RALGPS1: variants seen among roughly 807,000 people sequenced by gnomAD.
The protein encoded by RALGPS1 is ras-specific guanine nucleotide-releasing factor RalGPS1.
RALGPS1 carries 19 observed loss-of-function variants against 78.8 expected under a neutral mutation model. The observed-to-expected ratio is 0.24, with a 90% CI of 0.17 to 0.35. RALGPS1 has a LOEUF of 0.35. Ranked by LOEUF, RALGPS1 falls within the 10% of genes least tolerant of loss-of-function variation. The pLI is 1.00. For missense variants in RALGPS1, 454 were observed against 688.3 expected (o/e 0.66, Z 3.81); for synonymous variants, 228 against 256.3 (o/e 0.89, Z 1.06).
chr9:126,918,359 CA>C (rs1235198336), intron 1 of RALGPS1, among the ~76,000 whole-genome samples: 2 of 152,180 alleles, frequency 1.3e-5, no homozygotes, highest in Admixed American at 6.5e-5. Flanking sequence ...TTTTAAGAGA[CA>C]GGGTCTCCCT....
chr9:127,056,759 T>C (rs968122830), intron 7 of RALGPS1, among the ~76,000 whole-genome samples: 1 of 152,236 alleles, frequency 6.6e-6, no homozygotes, highest in Non-Finnish European at 1.5e-5. Context: ...TTTCTCTGTA[T>C]CCTTGGTGCC....
chr9:126,999,941 G>T (rs1343089395), intron 4 of RALGPS1, among the ~76,000 whole-genome samples: 1 of 152,148 alleles, frequency 6.6e-6, no homozygotes. Flanking sequence ...AGTTTTGGTT[G>T]TGTTTTTCAT....
intron 8 of RALGPS1, among the ~76,000 whole-genome samples, chr9:127,136,552 C>A (rs1000475903): frequency 6.6e-6 from 1 of 152,132 alleles, no homozygotes; most frequent in African/African-American, 2.4e-5. Context: ...CTCTCTGAGC[C>A]TCCCTGTCCA....
chr9:126,981,557 T>C (rs1398218683), intron 4 of RALGPS1, among the ~76,000 whole-genome samples: 2 of 152,232 alleles, frequency 1.3e-5, no homozygotes, highest in Non-Finnish European at 2.9e-5. Context: ...TGTGGACTGT[T>C]GCTGGGTAGC....
chr9:127,176,092 G>C (rs2139945702), intron 11 of RALGPS1, among the ~76,000 whole-genome samples: 1 of 152,228 alleles, frequency 6.6e-6, no homozygotes, highest in South Asian at 2.1e-4. Context: ...ACCCCTGGGG[G>C]CCTCTGATAT....
chr9:126,965,909 C>T lies in RALGPS1; in HGVS notation c.123C>T (p.Ala41=), dbSNP rs752100811. ...ACTATGCCAGCAAGAGCTATGATGC[C>T]GTTGTCTTCGATGTCTTGAAAGTGA... The part of the protein sequence containing the change: ...SCDYASKSYD[A]VVFDVLKVTP... Residue 41 remains alanine (A), a synonymous_variant, in exon 3 of 19, where the codon GCC becomes GCT. Transcript: ENST00000259351. 31 of 1,613,938 alleles carry T rather than the reference C, an allele frequency of 1.9e-5. No individual in the cohort carries two copies. The highest frequency in any genetic ancestry group is 1.0e-4 in the Admixed American group (6 of 59,996).
intron 11 of RALGPS1, among the ~76,000 whole-genome samples, chr9:127,177,106 T>A (rs1282636550): frequency 2.0e-5 from 3 of 152,170 alleles, no homozygotes; most frequent in Admixed American, 6.5e-5. Flanking sequence ...CCTTGTTGGA[T>A]CTTTAGCACC....
At chr9:127,102,099 C>T (rs928540720) in intron 8 of RALGPS1, among the ~76,000 whole-genome samples, 1 of 152,138 alleles carries the variant, frequency 6.6e-6, no homozygotes, top group South Asian at 2.1e-4. Context: ...GTGTTCCCAT[C>T]AAGAGGTCTC....
intron 3 of RALGPS1, among the ~76,000 whole-genome samples, chr9:126,966,787 T>C (rs889822132): frequency 6.6e-6 from 1 of 151,500 alleles, no homozygotes; most frequent in South Asian, 2.1e-4. Flanking sequence ...AAATATAAAT[T>C]AAAAAAAAAG....
intron 11 of RALGPS1, among the ~76,000 whole-genome samples, chr9:127,184,524 C>A (rs1359330040): frequency 6.6e-6 from 1 of 152,176 alleles, no homozygotes; most frequent in African/African-American, 2.4e-5. Context: ...GCCCCAGTGT[C>A]CTGGAGAGCC....
intron 5 of RALGPS1, among the ~76,000 whole-genome samples, chr9:127,046,544 C>T (rs2047793348): frequency 2.0e-5 from 3 of 151,830 alleles, no homozygotes; most frequent in African/African-American, 7.3e-5. Context: ...ATAAGAGTAC[C>T]AATGTCTACA....
At chr9:127,036,536 T>C (rs2046878427) in intron 5 of RALGPS1, among the ~76,000 whole-genome samples, 1 of 152,164 alleles carries the variant, frequency 6.6e-6, no homozygotes, top group East Asian at 1.9e-4. Context: ...CATCCAAATG[T>C]TTTGGGAGAA....
chr9:127,000,201 A>G (rs1043026751), intron 4 of RALGPS1, among the ~76,000 whole-genome samples: 1 of 151,982 alleles, frequency 6.6e-6, no homozygotes, highest in East Asian at 1.9e-4. Flanking sequence ...TTTCTGATCC[A>G]TTGATTTCAG....
intron 10 of RALGPS1, among the ~76,000 whole-genome samples, chr9:127,169,798 C>T (rs1286007522): frequency 1.3e-5 from 2 of 152,192 alleles, no homozygotes; most frequent in Admixed American, 6.5e-5. Flanking sequence ...AGATATTCAA[C>T]ACTTCCTTAT....
At chr9:127,050,695 T>A (rs1196179315) in intron 6 of RALGPS1, among the ~76,000 whole-genome samples, 1 of 152,024 alleles carries the variant, frequency 6.6e-6, no homozygotes, top group African/African-American at 2.4e-5. Context: ...TTCTTTTCCC[T>A]TATCTCTAGG....
intron 8 of RALGPS1, among the ~76,000 whole-genome samples, chr9:127,093,111 C>T (rs1016481810): frequency 5.3e-5 from 8 of 152,134 alleles, no homozygotes; most frequent in African/African-American, 1.7e-4. Flanking sequence ...ACGGGTTGGG[C>T]ACTCAGCAAA....
At chr9:127,174,667 T>G (rs369242247) in intron 10 of RALGPS1, 48 bp from the exon 11 acceptor site, 1 of 1,558,328 alleles carries the variant, frequency 6.4e-7, no homozygotes, top group South Asian at 1.1e-5. Context: ...CAGGTTCCTG[T>G]GTGGTAAACC....
chr9:127,035,857 T>C (rs2046820856), intron 5 of RALGPS1, among the ~76,000 whole-genome samples: 1 of 152,214 alleles, frequency 6.6e-6, no homozygotes, highest in Non-Finnish European at 1.5e-5. Flanking sequence ...GCTTCTTTTT[T>C]CTTTGTTTTG....
At chr9:127,014,532 A>G (rs1294707527) in intron 4 of RALGPS1, among the ~76,000 whole-genome samples, 1 of 152,154 alleles carries the variant, frequency 6.6e-6, no homozygotes, top group African/African-American at 2.4e-5. Flanking sequence ...GTTAACTGGG[A>G]TGGGGGAGAA....
Sources: allele counts gnomAD v4.1 joint callset (sites outside exome capture counted in the v4.1 genomes callset), GRCh38; gene constraint gnomAD v4.1.1; transcripts MANE v1.5; gene names NCBI Gene and HGNC (gene_info 2026-07-23, HGNC 2026-07-21).